The following ATAD2 variants were observed in gnomAD, a reference collection of about 807,000 sequenced individuals.
The protein encoded by ATAD2 is ATPase family AAA domain-containing protein 2.
In ATAD2, 62 loss-of-function variants were observed where a neutral mutation model predicts 168.9. The ratio of observed to expected loss-of-function variants is 0.37; its 90% confidence interval spans 0.30 to 0.45. The LOEUF (loss-of-function observed/expected upper bound fraction) is 0.45. ATAD2 is among the 20% of genes least tolerant of loss of function. ATAD2 has a pLI of 1.00. For missense variants in ATAD2, 1,419 were observed against 1,667.8 expected (o/e 0.85, Z 2.60); for synonymous variants, 613 against 571.6 (o/e 1.07, Z -1.03).
At chr8:123,363,209 A>G (rs1380423184) in intron 8 of ATAD2, among the ~76,000 whole-genome samples, 3 of 152,212 alleles carry the variant, frequency 2.0e-5, no homozygotes, top group Non-Finnish European at 4.4e-5. Flanking sequence ...ACGTGTATCA[A>G]AAAAACTCGG....
chr8:123,363,234 T>C (rs1175071450), intron 8 of ATAD2, among the ~76,000 whole-genome samples: 1 of 152,240 alleles, frequency 6.6e-6, no homozygotes, highest in Non-Finnish European at 1.5e-5. Flanking sequence ...TATTCCATTA[T>C]TCACTTGCAG....
In ATAD2 at chr8:123,337,757, T is replaced by C; in HGVS notation, c.2919A>G (p.Glu973=). The change falls in exon 21 of 28, where the codon GAA becomes GAG. Residue 973 remains glutamate, a synonymous_variant. Coordinates refer to ENST00000287394, the MANE Select transcript of ATAD2 (RefSeq NM_014109.4). The part of the protein sequence containing the change: ...PPPEPRSLTA[E]EVKRLEEQEE... ...CTTGTTCTTCTAGTCGTTTCACTTC[T>C]TCTGCTGTCAGTGATCTTGGCTCAG... The C allele has an allele frequency of 6.2e-7, 1 of 1,613,616 alleles. No homozygotes were observed. The highest frequency in any genetic ancestry group is 1.1e-5 in the South Asian group (1 of 90,878).
intron 1 of ATAD2, chr8:123,401,686 C>T (rs1199528315): frequency 1.6e-5 from 12 of 770,738 alleles, no homozygotes; most frequent in South Asian, 2.8e-5. Context: ...CTGTGGGGCA[C>T]GTCAAGGTGC....
At chr8:123,414,663 G>C (rs922258205) in intron 1 of ATAD2, among the ~76,000 whole-genome samples, 1 of 152,154 alleles carries the variant, frequency 6.6e-6, no homozygotes, top group Non-Finnish European at 1.5e-5. Flanking sequence ...AAGGCATAAC[G>C]ATAACACATA....
intron 22 of ATAD2, 97 bp downstream of exon 22, chr8:123,336,276 G>T: frequency 2.8e-6 from 3 of 1,075,964 alleles, no homozygotes; most frequent in Non-Finnish European, 3.9e-6. Context: ...ATAGTATTTT[G>T]ATTATGTTTA....
At chr8:123,347,983 A>G in intron 15 of ATAD2, 200 bp downstream of exon 15, 1 of 623,288 alleles carries the variant, frequency 1.6e-6, no homozygotes, top group Admixed American at 2.8e-5. Context: ...AGACTTCATG[A>G]GAAGAAAATG....
intron 19 of ATAD2, among the ~76,000 whole-genome samples, chr8:123,339,879 T>C (rs1008106769): frequency 1.3e-5 from 2 of 151,906 alleles, no homozygotes; most frequent in Non-Finnish European, 2.9e-5. Flanking sequence ...CTTGATGATA[T>C]TTTACTTTTT....
At chr8:123,346,879 A>G in intron 16 of ATAD2, 129 bp from the exon 17 acceptor site, 1 of 1,153,934 alleles carries the variant, frequency 8.7e-7, no homozygotes, top group Non-Finnish European at 1.2e-6. Context: ...TGTAGATATG[A>G]ATTAATAAGT....
At chr8:123,367,999 AT>A (rs2129720902) in intron 8 of ATAD2, among the ~76,000 whole-genome samples, 1 of 152,310 alleles carries the variant, frequency 6.6e-6, no homozygotes, top group African/African-American at 2.4e-5. Context: ...GAAAATTCTA[AT>A]ATTAAGGGAA....
At chr8:123,372,478 A>T (rs1260917661) in intron 3 of ATAD2, among the ~76,000 whole-genome samples, 159 bp downstream of exon 3, 2 of 152,142 alleles carry the variant, frequency 1.3e-5, no homozygotes, top group Non-Finnish European at 2.9e-5. Flanking sequence ...TACCTTCACT[A>T]TCTTATTGTG....
intron 21 of ATAD2, 64 bp from the exon 22 acceptor site, chr8:123,336,596 T>G: frequency 7.8e-7 from 1 of 1,281,648 alleles, no homozygotes; most frequent in Non-Finnish European, 1.0e-6. Context: ...GAGTCAAGTT[T>G]CGATGCCAGG....
At chr8:123,394,099 GA>G (rs970664136) in intron 1 of ATAD2, among the ~76,000 whole-genome samples, 23 of 140,926 alleles carry the variant, frequency 1.6e-4, no homozygotes, top group Middle Eastern at 3.5e-3. Flanking sequence ...CTGAGGAACT[GA>G]AAAAAAAAAA....
chr8:123,391,919 GGGA>G (rs1367424072), intron 1 of ATAD2, among the ~76,000 whole-genome samples: 9 of 152,166 alleles, frequency 5.9e-5, no homozygotes, highest in South Asian at 2.1e-4. Flanking sequence ...ATGTATAAAA[GGGA>G]GGAGAACTTT....
At chr8:123,349,489 A>G (rs1828376793) in intron 13 of ATAD2, 45 bp from the exon 14 acceptor site, 1 of 1,526,204 alleles carries the variant, frequency 6.6e-7, no homozygotes, top group Non-Finnish European at 9.0e-7. Flanking sequence ...CTATGAACAC[A>G]GTCTATATCA....
chr8:123,327,672 A>G (rs1827650429), intron 25 of ATAD2, among the ~76,000 whole-genome samples: 1 of 152,234 alleles, frequency 6.6e-6, no homozygotes, highest in Non-Finnish European at 1.5e-5. Flanking sequence ...TCCAAATGAC[A>G]ACAATTCTAA....
intron 1 of ATAD2, among the ~76,000 whole-genome samples, chr8:123,388,839 C>T (rs1170085574): frequency 6.6e-6 from 1 of 151,860 alleles, no homozygotes; most frequent in Non-Finnish European, 1.5e-5. Flanking sequence ...CTGGCCAGTA[C>T]TTTCTTAAAA....
At chr8:123,366,054 C>T (rs1191941206) in intron 8 of ATAD2, among the ~76,000 whole-genome samples, 3 of 151,818 alleles carry the variant, frequency 2.0e-5, no homozygotes, top group Non-Finnish European at 2.9e-5. Flanking sequence ...GCATCTACAA[C>T]GAACTCAAAC....
chr8:123,330,732 C>T (rs1464904935), intron 24 of ATAD2, among the ~76,000 whole-genome samples: 1 of 152,094 alleles, frequency 6.6e-6, no homozygotes, highest in African/African-American at 2.4e-5. Flanking sequence ...CATTAAATTC[C>T]TTCTGCTTTG....
intron 8 of ATAD2, among the ~76,000 whole-genome samples, chr8:123,365,665 G>A (rs1441166900): frequency 6.6e-6 from 1 of 152,108 alleles, no homozygotes; most frequent in Non-Finnish European, 1.5e-5. Flanking sequence ...ACATAAAGTG[G>A]GGAAAGGACA....
Sources: gnomAD v4.1 joint callset for allele counts (sites outside exome capture counted in the v4.1 genomes callset) on GRCh38, gnomAD v4.1.1 for gene constraint, MANE v1.5 for transcripts, NCBI Gene and HGNC (gene_info 2026-07-23, HGNC 2026-07-21) for gene names.